Variants in MALRD1 observed in about 807,000 individuals in gnomAD.
MALRD1 encodes MAM and LDL-receptor class A domain-containing protein 1.
Under a neutral mutation model 242.1 loss-of-function variants are expected in MALRD1, and 247 were observed. The observed-to-expected ratio is 1.02, with a 90% CI of 0.92 to 1.13. MALRD1 has a LOEUF of 1.13. Among genes scored for constraint, MALRD1 ranks in the 50% most tolerant of loss-of-function variants. MALRD1 has a pLI of 0.00. For synonymous variants in MALRD1, 995 were observed against 866.6 expected (o/e 1.15, Z -2.60); for missense variants, 2,989 against 2,533.1 (o/e 1.18, Z -3.86).
chr10:19,292,724 C>A (rs1349011998), intron 21 of MALRD1, among the ~76,000 whole-genome samples: 1 of 151,836 alleles, frequency 6.6e-6, no homozygotes, highest in South Asian at 2.1e-4. Flanking sequence ...AACCCCGTCT[C>A]TACTAAAAAT....
chr10:19,176,827 T>C, intron 14 of MALRD1, among the ~76,000 whole-genome samples: 1 of 151,138 alleles, frequency 6.6e-6, no homozygotes, highest in Non-Finnish European at 1.5e-5. Flanking sequence ...TGTCTGTGTG[T>C]GTGTGCATGC....
chr10:19,567,465 C>T, intron 32 of MALRD1, 37 bp from the exon 33 acceptor site: 4 of 1,508,812 alleles, frequency 2.7e-6, no homozygotes, highest in Non-Finnish European at 3.6e-6. Context: ...CTTCTAATAT[C>T]CAATCATAAA....
At position 19,252,756 on chromosome 10, in the gene MALRD1, G is replaced by A. The variant is rs558142786; in HGVS notation, c.2992-4928G>A. Among the ~76,000 whole-genome samples the A allele has an allele frequency of 3.8e-4, 58 of 152,014 alleles. 1 individual carries two copies. The highest frequency in any genetic ancestry group is 1.4e-3 in the African/African-American group (57 of 41,504). Reference sequence around the variant, plus strand: ...AAATGGTTTTCATATGTCTACTATAGTAATTGAAAAACTCCAATTATTCTG... The same window carrying A: ...AAATGGTTTTCATATGTCTACTATAATAATTGAAAAACTCCAATTATTCTG... On this transcript the variant is annotated intron_variant, in intron 18 of 39. Transcript: ENST00000454679.
At chr10:19,317,627 G>T (rs1842760717) in intron 21 of MALRD1, among the ~76,000 whole-genome samples, 1 of 151,910 alleles carries the variant, frequency 6.6e-6, no homozygotes, top group Admixed American at 6.6e-5. Context: ...GTGTGTCCAG[G>T]CCCACAGATT....
At chr10:19,534,696 A>T (rs1304157419) in intron 32 of MALRD1, among the ~76,000 whole-genome samples, 1 of 152,144 alleles carries the variant, frequency 6.6e-6, no homozygotes, top group Non-Finnish European at 1.5e-5. Flanking sequence ...GTTGGTGTGG[A>T]TGTAAAGAAA....
At chr10:19,574,188 C>T (rs973307419) in intron 33 of MALRD1, among the ~76,000 whole-genome samples, 3 of 152,168 alleles carry the variant, frequency 2.0e-5, no homozygotes, top group Non-Finnish European at 4.4e-5. Context: ...TATCTCTAGG[C>T]TTGAATAGCA....
intron 36 of MALRD1, among the ~76,000 whole-genome samples, chr10:19,681,484 G>C (rs531638631): frequency 6.6e-6 from 1 of 152,054 alleles, no homozygotes; most frequent in African/African-American, 2.4e-5. Flanking sequence ...TGACATTCTT[G>C]TGTTGTGTTT....
At chr10:19,175,354 T>C (rs1236564322) in intron 14 of MALRD1, 26 bp downstream of exon 14, 1 of 1,225,382 alleles carries the variant, frequency 8.2e-7, no homozygotes. Flanking sequence ...TCGTTGTTGC[T>C]GTTTTAAACA....
intron 1 of MALRD1, among the ~76,000 whole-genome samples, chr10:19,053,627 C>G (rs1202152657): frequency 6.6e-6 from 1 of 151,990 alleles, no homozygotes; most frequent in East Asian, 1.9e-4. Context: ...TGTAAAACCA[C>G]TTTTTGAAGC....
At chr10:19,429,005 C>T (rs186406395) in intron 28 of MALRD1, among the ~76,000 whole-genome samples, 1 of 152,214 alleles carries the variant, frequency 6.6e-6, no homozygotes, top group East Asian at 1.9e-4. Context: ...TGGAAGTATT[C>T]CTGTATGTTA....
chr10:19,462,015 T>C (rs1210829816), intron 29 of MALRD1, among the ~76,000 whole-genome samples: 1 of 152,152 alleles, frequency 6.6e-6, no homozygotes, highest in Non-Finnish European at 1.5e-5. Flanking sequence ...CTCAGACTAG[T>C]TATTGTAGAG....
rs539117519 is a variant in MALRD1, at chr10:19,653,477, T to C, written c.6137+37554T>C. Among the ~76,000 whole-genome samples, 22 of 152,278 alleles carry C rather than the reference T, an allele frequency of 1.4e-4. No homozygotes were observed. In the South Asian group the frequency reaches 4.6e-3, roughly 32 times the overall value. The stretch of plus-strand genomic sequence containing the variant: ...GCCTCCCAAAGCAAGATTTTTTGTT[T>C]CCTCAGATCTAAATTGTTGTTCCAT... On this transcript the variant is annotated intron_variant, in intron 36 of 39. Transcript: ENST00000454679.
At chr10:19,454,404 T>TTATATATATATATA (rs1564356457) in intron 29 of MALRD1, among the ~76,000 whole-genome samples, 11 of 30,404 alleles carry the variant, frequency 3.6e-4, no homozygotes, top group Non-Finnish European at 4.8e-4. Flanking sequence ...ATTATGCATA[T>TTATATATATATATA]GATATATATA....
intron 4 of MALRD1, among the ~76,000 whole-genome samples, chr10:19,101,128 T>C (rs1275397994): frequency 6.6e-6 from 1 of 151,506 alleles, no homozygotes; most frequent in Non-Finnish European, 1.5e-5. Context: ...GCTATCATTT[T>C]ATCATTACAT....
In MALRD1 at chr10:19,681,266, A is replaced by G. The variant is rs867831516; in HGVS notation, c.6138-11016A>G. Among the ~76,000 whole-genome samples the G allele has an allele frequency of 4.0e-5, 6 of 151,768 alleles. No individual in the cohort carries two copies. The South Asian group carries it at 1.2e-3, about 32-fold the overall frequency. Reference sequence around the variant, plus strand: ...GAAGTATGTTTTCCAACCTGGTTCCATTTTCCTCATCTCTTTCAGGTACCC... The same window carrying G: ...GAAGTATGTTTTCCAACCTGGTTCCGTTTTCCTCATCTCTTTCAGGTACCC... On this transcript the variant is annotated intron_variant, in intron 36 of 39. Coordinates refer to ENST00000454679, the MANE Select transcript of MALRD1 (RefSeq NM_001142308.3).
chr10:19,239,673 G>C (rs571715500), intron 18 of MALRD1, among the ~76,000 whole-genome samples: 90 of 152,140 alleles, frequency 5.9e-4, no homozygotes, highest in African/African-American at 1.8e-3. Context: ...GTTGATTTTT[G>C]TATAAGGTAA....
chr10:19,075,594 T>A (rs1219094298), intron 2 of MALRD1, among the ~76,000 whole-genome samples: 2 of 152,062 alleles, frequency 1.3e-5, no homozygotes, highest in African/African-American at 4.8e-5. Flanking sequence ...GTCTTAGGGC[T>A]GTGTGGAATT....
At chr10:19,658,868 C>T (rs1326757343) in intron 36 of MALRD1, among the ~76,000 whole-genome samples, 1 of 152,106 alleles carries the variant, frequency 6.6e-6, no homozygotes, top group Non-Finnish European at 1.5e-5. Context: ...GTCATTGCTG[C>T]TTGAATTTTC....
intron 9 of MALRD1, among the ~76,000 whole-genome samples, chr10:19,135,502 A>G (rs1190139175): frequency 1.3e-5 from 2 of 152,142 alleles, no homozygotes; most frequent in Non-Finnish European, 2.9e-5. Flanking sequence ...TTTAAGCTGG[A>G]TGAAACTGAA....
Sources: allele counts gnomAD v4.1 joint callset (sites outside exome capture counted in the v4.1 genomes callset), GRCh38; gene constraint gnomAD v4.1.1; transcripts MANE v1.5; gene names NCBI Gene and HGNC (gene_info 2026-07-23, HGNC 2026-07-21).